FNIP2: variants seen among roughly 807,000 people sequenced by gnomAD.
The protein encoded by FNIP2 is folliculin-interacting protein 2.
In FNIP2, 32 loss-of-function variants were observed where a neutral mutation model predicts 108.7. The observed-to-expected ratio is 0.29, with a 90% CI of 0.22 to 0.40. The LOEUF (loss-of-function observed/expected upper bound fraction) is 0.40, where lower values mean the gene tolerates loss of function less well. Among genes scored for constraint, FNIP2 ranks in the 10% least tolerant of loss-of-function variants. The probability of loss-of-function intolerance (pLI) is 1.00; values close to 1 mark genes in which losing one functional copy is unlikely to be tolerated. For synonymous variants in FNIP2, 480 were observed against 496.7 expected (o/e 0.97, Z 0.45); for missense variants, 1,202 against 1,381.6 (o/e 0.87, Z 2.06).
chr4:158,835,378 C>T, intron 6 of FNIP2, 27 bp from the exon 7 acceptor site: 1 of 1,606,268 alleles, frequency 6.2e-7, no homozygotes, highest in Non-Finnish European at 8.5e-7. Flanking sequence ...AGCCCAATAA[C>T]ATGGTTTTCT....
intron 6 of FNIP2, 51 bp from the exon 7 acceptor site, chr4:158,835,354 C>CT: frequency 6.5e-7 from 1 of 1,538,494 alleles, no homozygotes; most frequent in Non-Finnish European, 9.0e-7. Context: ...ATTTTAAAAA[C>CT]TTTATCTCTG....
chr4:158,829,097 A>G lies in FNIP2; in HGVS notation c.253A>G (p.Ile85Val). The change falls in exon 3 of 17, where the codon ATT becomes GTT. Residue 85 changes from isoleucine to valine, a missense_variant. This residue lies in a region of FNIP2 where 173 missense variants were observed against 165.9 expected (regional missense o/e 1.04). Transcript: ENST00000264433. ...VTAQKTEDVP[I>V]KISAKCCQGS... ...AACCTAGAAAACAGAGGATGTTCCTATTAAAATATCAGCCAAGTGCTGCCA... is the reference window on the plus strand; with the variant it reads ...AACCTAGAAAACAGAGGATGTTCCTGTTAAAATATCAGCCAAGTGCTGCCA... 6.2e-7 allele frequency: 1 copy of G among 1,610,536 alleles called. No homozygotes were observed. Among genetic ancestry groups the G allele is most frequent in the Non-Finnish European group, 8.5e-7 (1 of 1,178,394 alleles).
chr4:158,883,546 T>A (rs2126753564), intron 14 of FNIP2, among the ~76,000 whole-genome samples: 2 of 152,282 alleles, frequency 1.3e-5, no homozygotes, highest in Admixed American at 1.3e-4. Context: ...CAGCCTCCCT[T>A]TGTGTTTTAA....
chr4:158,835,290 A>G, intron 6 of FNIP2, 115 bp from the exon 7 acceptor site: 1 of 730,274 alleles, frequency 1.4e-6, no homozygotes. Flanking sequence ...TTAAAAGCTT[A>G]TGCCAATCAT....
intron 7 of FNIP2, among the ~76,000 whole-genome samples, chr4:158,838,467 C>T (rs1778937190): frequency 6.6e-6 from 1 of 152,156 alleles, no homozygotes. Flanking sequence ...GCAGTCCACC[C>T]ACCTTAGCCT....
intron 12 of FNIP2, among the ~76,000 whole-genome samples, chr4:158,866,221 C>CTTTTTTTTTT (rs34074378): frequency 0.091 from 5,371 of 59,326 alleles, 2,200 homozygotes; most frequent in African/African-American, 0.23. Flanking sequence ...TCTGGTTATT[C>CTTTTTTTTTT]TTTTTTTTTT....
At chr4:158,884,169 A>G (rs1781888248) in intron 14 of FNIP2, among the ~76,000 whole-genome samples, 1 of 152,212 alleles carries the variant, frequency 6.6e-6, no homozygotes, top group African/African-American at 2.4e-5. Flanking sequence ...TATATTAATT[A>G]TGGTGCATTG....
chr4:158,880,642 GAAT>G (rs1351950434), intron 14 of FNIP2, among the ~76,000 whole-genome samples: 2 of 152,190 alleles, frequency 1.3e-5, no homozygotes, highest in Non-Finnish European at 2.9e-5. Flanking sequence ...GATGGTTTAA[GAAT>G]AATGAGTGAT....
At chr4:158,855,176 C>G (rs527583323) in intron 8 of FNIP2, among the ~76,000 whole-genome samples, 1 of 152,246 alleles carries the variant, frequency 6.6e-6, no homozygotes, top group South Asian at 2.1e-4. Flanking sequence ...TTGGGGTATC[C>G]TTTTCTGAGC....
At chr4:158,875,541 T>TATATATATATATATATATAC (rs1553964269) in intron 14 of FNIP2, among the ~76,000 whole-genome samples, 4 of 141,446 alleles carry the variant, frequency 2.8e-5, no homozygotes, top group African/African-American at 8.6e-5. Context: ...TATATATATA[T>TATATATATATATATATATAC]GCTCATGAAT....
intron 4 of FNIP2, 25 bp from the exon 5 acceptor site, chr4:158,832,042 C>T (rs1778514667): frequency 1.6e-5 from 26 of 1,609,506 alleles, no homozygotes; most frequent in Non-Finnish European, 2.1e-5. Flanking sequence ...TTTATTTTTC[C>T]CCTCTCCTTT....
At chr4:158,770,089 G>A (rs1462899316) in intron 1 of FNIP2, among the ~76,000 whole-genome samples, 6 of 152,128 alleles carry the variant, frequency 3.9e-5, no homozygotes, top group African/African-American at 1.4e-4. Context: ...CCATTTTACA[G>A]GTGAGGAAAC....
At chr4:158,887,335 C>G (rs573388611) in intron 14 of FNIP2, among the ~76,000 whole-genome samples, 2 of 152,308 alleles carry the variant, frequency 1.3e-5, no homozygotes, top group South Asian at 4.1e-4. Context: ...ACAGATTTCA[C>G]TATTTACTAA....
In FNIP2 at chr4:158,854,493, T is replaced by C. The variant is rs568331000; in HGVS notation, c.857+3043T>C. On this transcript the variant is annotated intron_variant, in intron 8 of 16. Coordinates refer to ENST00000264433, the MANE Select transcript of FNIP2 (RefSeq NM_020840.3). ...GTATGTGCCTGACTGCCGGGCCAGT[T>C]GCTCGGTGTCTGGGCTGCAAGCCCT... is the stretch of plus-strand genomic sequence containing the variant. Among the ~76,000 whole-genome samples, 5 of 152,376 alleles carry C rather than the reference T, an allele frequency of 3.3e-5. No individual in the cohort carries two copies. The South Asian group carries it at 1.0e-3, about 32-fold the overall frequency.
At chr4:158,865,317 G>C (rs191862021) in intron 12 of FNIP2, among the ~76,000 whole-genome samples, 6 of 151,944 alleles carry the variant, frequency 3.9e-5, no homozygotes, top group African/African-American at 1.4e-4. Context: ...CTAAAAATTA[G>C]CTTCAATTAT....
Position 158,905,376 on chromosome 4 carries a change from A to T in FNIP2, c.*832A>T, listed in dbSNP as rs1729739583. ...CCTTTTTAAGAGAGGCCACTTACCA[A>T]AGTTATTTCTATAAGCTCAAGAGTG... On this transcript the variant is annotated 3_prime_UTR_variant, in exon 17 of 17. Transcript: ENST00000264433. 1 of 152,128 alleles carries T rather than the reference A, an allele frequency of 6.6e-6. No homozygotes were observed. The highest frequency in any genetic ancestry group is 6.5e-5 in the Admixed American group (1 of 15,272). The allele number at this position is 152,128 out of a possible 1,614,324, so 9.4% of individuals were successfully genotyped here. A position where few individuals can be genotyped will look rare whatever the true frequency, so the allele number is the denominator to read the frequency against.
At chr4:158,900,231 T>C (rs1035067367) in intron 16 of FNIP2, among the ~76,000 whole-genome samples, 1 of 152,254 alleles carries the variant, frequency 6.6e-6, no homozygotes, top group Non-Finnish European at 1.5e-5. Context: ...TCCATTCTTT[T>C]GCATTTGCCG....
chr4:158,809,614 A>G (rs1328881245), intron 1 of FNIP2, among the ~76,000 whole-genome samples: 1 of 152,232 alleles, frequency 6.6e-6, no homozygotes, highest in African/African-American at 2.4e-5. Flanking sequence ...TTAGCAAACA[A>G]AATTCTTACG....
intron 1 of FNIP2, among the ~76,000 whole-genome samples, chr4:158,788,497 T>C (rs1776296721): frequency 6.6e-6 from 1 of 152,256 alleles, no homozygotes; most frequent in South Asian, 2.1e-4. Context: ...ATGATCTTTT[T>C]GCCTTTTATT....
Sources: gnomAD v4.1 joint callset for allele counts (sites outside exome capture counted in the v4.1 genomes callset) on GRCh38, gnomAD v4.1.1 for gene constraint, gnomAD v4.1.1 regional missense constraint, MANE v1.5 for transcripts, NCBI Gene and HGNC (gene_info 2026-07-23, HGNC 2026-07-21) for gene names.